CDH8: variants seen among roughly 807,000 people sequenced by gnomAD.
CDH8 encodes the protein cadherin-8.
In CDH8, 17 loss-of-function variants were observed where a neutral mutation model predicts 68.1. The ratio of observed to expected loss-of-function variants is 0.25; its 90% CI spans 0.17 to 0.37. The LOEUF (loss-of-function observed/expected upper bound fraction) is 0.37, where lower values mean the gene tolerates loss of function less well. CDH8 is among the 10% of genes least tolerant of loss of function. The probability of loss-of-function intolerance (pLI) is 1.00; values close to 1 mark genes in which losing one functional copy is unlikely to be tolerated. For synonymous variants in CDH8, 372 were observed against 365.1 expected, an observed-to-expected ratio of 1.02 and a Z score of -0.21; for missense variants, 763 against 999.3, an observed-to-expected ratio of 0.76 and a Z score of 3.19.
intron 7 of CDH8, among the ~76,000 whole-genome samples, chr16:61,812,545 C>T (rs1352264927): frequency 6.6e-6 from 1 of 151,948 alleles, no homozygotes; most frequent in Non-Finnish European, 1.5e-5. Context: ...ATCTCAAAGC[C>T]ATGGTGACAC....
Position 61,840,021 on chromosome 16 carries a change from C to G in CDH8, c.668-14842G>C, listed in dbSNP as rs374833702. ...CAAAATTTGCCAAGACTTTCAGCAC[C>G]CTCTTTTCTATAAAGGTATTCCTGC... On this transcript the variant is annotated intron_variant, in intron 4 of 11. Coordinates refer to ENST00000577390, the MANE Select transcript of CDH8 (RefSeq NM_001796.5). Among the ~76,000 whole-genome samples, 28 of 152,122 alleles carry G rather than the reference C, an allele frequency of 1.8e-4. No individual in the cohort carries two copies. The East Asian group carries it at 5.4e-3, about 30-fold the overall frequency.
chr16:61,667,186 C>T (rs1012488610), intron 10 of CDH8: 1 of 151,906 alleles, frequency 6.6e-6, no homozygotes, highest in African/African-American at 2.4e-5. Flanking sequence ...TTCTGTCATG[C>T]CACCTGATGT....
At chr16:61,835,013 C>G (rs1962538512) in intron 4 of CDH8, among the ~76,000 whole-genome samples, 1 of 151,894 alleles carries the variant, frequency 6.6e-6, no homozygotes, top group Non-Finnish European at 1.5e-5. Context: ...ATAATATACT[C>G]TCCTTTGCCA....
intron 1 of CDH8, among the ~76,000 whole-genome samples, chr16:62,023,701 C>T (rs546546718): frequency 6.6e-6 from 1 of 152,096 alleles, no homozygotes; most frequent in South Asian, 2.1e-4. Context: ...AAAGATCTTC[C>T]CTATGGTGGA....
intron 2 of CDH8, among the ~76,000 whole-genome samples, chr16:61,966,029 T>C (rs1965246548): frequency 6.6e-6 from 1 of 152,148 alleles, no homozygotes. Context: ...AATAAAAAAA[T>C]GCTTGCAAGA....
At chr16:61,913,558 TC>T (rs1392185414) in intron 2 of CDH8, among the ~76,000 whole-genome samples, 3 of 152,098 alleles carry the variant, frequency 2.0e-5, no homozygotes, top group Non-Finnish European at 2.9e-5. Context: ...ATCGGGTCAT[TC>T]TAATTAAATG....
intron 3 of CDH8, among the ~76,000 whole-genome samples, chr16:61,865,028 C>CT (rs990195096): frequency 1.3e-5 from 2 of 152,102 alleles, no homozygotes; most frequent in African/African-American, 4.8e-5. Flanking sequence ...CCCTATCTTT[C>CT]TTTTTTTGCA....
chr16:61,863,722 CT>C (rs1963198267), intron 3 of CDH8, among the ~76,000 whole-genome samples: 1 of 152,088 alleles, frequency 6.6e-6, no homozygotes, highest in African/African-American at 2.4e-5. Context: ...GGGGCAGAAC[CT>C]TTGCAATAAC....
At chr16:61,775,157 A>T (rs2142990892) in intron 8 of CDH8, among the ~76,000 whole-genome samples, 1 of 152,276 alleles carries the variant, frequency 6.6e-6, no homozygotes, top group Non-Finnish European at 1.5e-5. Flanking sequence ...TGAGGCCAGG[A>T]GTTAGAGACC....
intron 8 of CDH8, among the ~76,000 whole-genome samples, chr16:61,765,379 T>G (rs1960562653): frequency 6.6e-6 from 1 of 152,018 alleles, no homozygotes; most frequent in South Asian, 2.1e-4. Flanking sequence ...TAGCCATGAT[T>G]TCAAAGATTT....
chr16:61,702,118 A>G (rs1156754758), intron 10 of CDH8, among the ~76,000 whole-genome samples: 1 of 152,206 alleles, frequency 6.6e-6, no homozygotes, highest in Non-Finnish European at 1.5e-5. Flanking sequence ...CACTCCTGTA[A>G]TCTCAGCAGT....
At chr16:62,006,434 A>T (rs1965976732) in intron 2 of CDH8, among the ~76,000 whole-genome samples, 1 of 152,204 alleles carries the variant, frequency 6.6e-6, no homozygotes. Context: ...AACCTGGGAC[A>T]GTGACTAAAT....
rs1213006438 is a variant in CDH8, at chr16:61,669,001, T to C, written c.1655-13280A>G. On this transcript the variant is annotated intron_variant, in intron 10 of 11. Coordinates refer to ENST00000577390, the MANE Select transcript of CDH8 (RefSeq NM_001796.5). ...GTTTTCAAAATATTGAAATCTTTAA[T>C]ACTGTGAATAGAGAGCTGAAGATAT... 2.0e-5 allele frequency among the ~76,000 whole-genome samples: 3 copies of C among 152,198 alleles called. No individual in the cohort carries two copies. The South Asian group carries it at 6.2e-4, about 32-fold the overall frequency.
chr16:61,701,674 G>C (rs552111987), intron 10 of CDH8, among the ~76,000 whole-genome samples: 1 of 152,210 alleles, frequency 6.6e-6, no homozygotes, highest in Non-Finnish European at 1.5e-5. Context: ...GCAAGATACG[G>C]GAAGAGCAAA....
intron 2 of CDH8, among the ~76,000 whole-genome samples, chr16:61,986,077 C>T (rs1681622062): frequency 6.6e-6 from 1 of 151,726 alleles, no homozygotes; most frequent in African/African-American, 2.4e-5. Flanking sequence ...GTGCCTGCCC[C>T]CACACCTGGC....
intron 5 of CDH8, among the ~76,000 whole-genome samples, chr16:61,822,407 G>A (rs1962238866): frequency 1.3e-5 from 2 of 150,602 alleles, no homozygotes; most frequent in African/African-American, 4.9e-5. Flanking sequence ...CCACAACAAG[G>A]GAAAATTAAA....
At chr16:61,965,750 T>C (rs1240720311) in intron 2 of CDH8, among the ~76,000 whole-genome samples, 1 of 152,200 alleles carries the variant, frequency 6.6e-6, no homozygotes, top group African/African-American at 2.4e-5. Flanking sequence ...CTGGTGCTAG[T>C]GTACTTTGGG....
chr16:61,702,265 A>T (rs530350197), intron 10 of CDH8, among the ~76,000 whole-genome samples: 1 of 152,068 alleles, frequency 6.6e-6, no homozygotes, highest in Non-Finnish European at 1.5e-5. Flanking sequence ...CCAGCTACTT[A>T]GGAGGCTGAG....
intron 10 of CDH8, among the ~76,000 whole-genome samples, chr16:61,664,088 C>T (rs1172400404): frequency 1.3e-5 from 2 of 151,876 alleles, no homozygotes; most frequent in African/African-American, 4.8e-5. Context: ...ATCTTCCCTC[C>T]TCAGGGCTTT....
Sources: gnomAD v4.1 joint callset for allele counts (sites outside exome capture counted in the v4.1 genomes callset) on GRCh38, gnomAD v4.1.1 for gene constraint, MANE v1.5 for transcripts, NCBI Gene and HGNC (gene_info 2026-07-23, HGNC 2026-07-21) for gene names.